Variants in CEP112 observed in about 807,000 individuals in gnomAD.
CEP112 encodes the protein centrosomal protein of 112 kDa.
CEP112 carries 127 observed loss-of-function variants against 153.0 expected under a neutral mutation model. The ratio of observed to expected loss-of-function variants is 0.83; its 90% confidence interval spans 0.72 to 0.96. CEP112 has a LOEUF of 0.96. CEP112 is among the 40% of genes least tolerant of loss of function. The probability of loss-of-function intolerance (pLI) is 0.00; values close to 1 mark genes in which losing one functional copy is unlikely to be tolerated. For synonymous variants in CEP112, 358 were observed against 374.4 expected (o/e 0.96, Z 0.51); for missense variants, 1,089 against 1,101.2 (o/e 0.99, Z 0.16).
intron 20 of CEP112, among the ~76,000 whole-genome samples, chr17:65,852,426 CTT>C (rs1568117422): frequency 2.4e-5 from 1 of 41,260 alleles, no homozygotes; most frequent in African/African-American, 8.1e-5. Context: ...CCCTTCCTTC[CTT>C]CCCTCCCTTT....
At chr17:66,144,933 T>A (rs751538540) in intron 4 of CEP112, among the ~76,000 whole-genome samples, 4 of 152,210 alleles carry the variant, frequency 2.6e-5, no homozygotes, top group Non-Finnish European at 5.9e-5. Context: ...TTAAAATTTA[T>A]AAGAAATAGC....
At chr17:65,667,427 G>A (rs1407274442) in intron 24 of CEP112, among the ~76,000 whole-genome samples, 1 of 151,910 alleles carries the variant, frequency 6.6e-6, no homozygotes. Context: ...ATTCTGAGTT[G>A]GTATCTTTTA....
chr17:65,946,150 G>T (rs1434821806), intron 18 of CEP112, among the ~76,000 whole-genome samples: 1 of 152,028 alleles, frequency 6.6e-6, no homozygotes, highest in Non-Finnish European at 1.5e-5. Context: ...CTTTGTACTG[G>T]TCTCTTTTGA....
chr17:66,143,723 A>G (rs1055633910), intron 4 of CEP112, among the ~76,000 whole-genome samples: 4 of 152,222 alleles, frequency 2.6e-5, no homozygotes, highest in African/African-American at 7.2e-5. Flanking sequence ...CAGGCTGAAA[A>G]AACTATTCAG....
At chr17:65,774,193 T>C (rs2053549209) in intron 21 of CEP112, among the ~76,000 whole-genome samples, 2 of 152,098 alleles carry the variant, frequency 1.3e-5, no homozygotes, top group African/African-American at 4.8e-5. Context: ...ATCTCCCTGC[T>C]TCCCTCACCC....
At chr17:65,870,068 A>AGAAAGAAAGAAAGAAAGAAAGAAAGAAAG (rs1491567332) in intron 20 of CEP112, among the ~76,000 whole-genome samples, 3 of 150,912 alleles carry the variant, frequency 2.0e-5, no homozygotes, top group Non-Finnish European at 4.4e-5. Context: ...AAAGAAAGAA[A>AGAAAGAAAGAAAGAAAGAAAGAAAGAAAG]GAAAGAAAGA....
chr17:65,885,333 T>A (rs2059238903), intron 20 of CEP112, among the ~76,000 whole-genome samples: 1 of 152,208 alleles, frequency 6.6e-6, no homozygotes, highest in Admixed American at 6.5e-5. Flanking sequence ...CTTAACTATT[T>A]GGCTGAAGAT....
chr17:65,795,014 C>T (rs558533285), intron 21 of CEP112, among the ~76,000 whole-genome samples: 6 of 152,276 alleles, frequency 3.9e-5, no homozygotes, highest in African/African-American at 9.6e-5. Flanking sequence ...GTTGAAAGAA[C>T]GAATAAACTA....
At chr17:65,826,073 G>T in intron 21 of CEP112, 1 of 1,519,618 alleles carries the variant, frequency 6.6e-7, no homozygotes, top group Non-Finnish European at 9.1e-7. Context: ...ACTCAGCTCA[G>T]CAATGAGATT....
At chr17:66,033,183 T>C (rs12947656) in intron 12 of CEP112, among the ~76,000 whole-genome samples, 62,471 of 151,904 alleles carry the variant, frequency 0.41, 14,305 homozygotes, top group East Asian at 0.87. Flanking sequence ...AAAATGGAGA[T>C]CCAGCATTTA....
At chr17:65,796,749 T>G (rs916880444) in intron 21 of CEP112, among the ~76,000 whole-genome samples, 1 of 151,328 alleles carries the variant, frequency 6.6e-6, no homozygotes, top group Non-Finnish European at 1.5e-5. Context: ...AATAATATCT[T>G]GGGTTGGGCA....
At chr17:65,658,023 T>C (rs898726162) in intron 24 of CEP112, among the ~76,000 whole-genome samples, 2 of 152,246 alleles carry the variant, frequency 1.3e-5, no homozygotes, top group African/African-American at 4.8e-5. Flanking sequence ...CCCCACATTA[T>C]GAACACCTTA....
At chr17:65,818,982 T>G (rs1370921971) in intron 21 of CEP112, among the ~76,000 whole-genome samples, 1 of 151,978 alleles carries the variant, frequency 6.6e-6, no homozygotes, top group Non-Finnish European at 1.5e-5. Context: ...CTGAAGATGT[T>G]AATTAACCAT....
chr17:65,655,226 T>C lies in CEP112; in HGVS notation c.2698-14161A>G. 4.6e-6 allele frequency: 4 copies of C among 862,968 alleles called. No homozygotes were observed. The South Asian group carries it at 5.2e-5, about 11-fold the overall frequency. The allele number at this position is 862,968 out of a possible 1,614,324, so 53.5% of individuals were successfully genotyped here. A position where few individuals can be genotyped will look rare whatever the true frequency, so the allele number is the denominator to read the frequency against. Reference sequence around the variant, plus strand: ...GGCGCTTGTTGCAACCTAAACACTTTTGAAGTCATCCCGGAGAATACGGTG... The same window carrying C: ...GGCGCTTGTTGCAACCTAAACACTTCTGAAGTCATCCCGGAGAATACGGTG... On this transcript the variant is annotated intron_variant, in intron 24 of 26. Coordinates refer to ENST00000535342, the MANE Select transcript of CEP112 (RefSeq NM_001199165.4).
At chr17:65,813,740 A>G (rs181987320) in intron 21 of CEP112, among the ~76,000 whole-genome samples, 8 of 152,290 alleles carry the variant, frequency 5.3e-5, no homozygotes, top group Admixed American at 4.6e-4. Flanking sequence ...ATCTTCTTCC[A>G]TTAGGCCAAT....
chr17:66,073,989 T>C (rs973151526), intron 8 of CEP112, among the ~76,000 whole-genome samples: 3 of 152,086 alleles, frequency 2.0e-5, no homozygotes, highest in African/African-American at 7.2e-5. Flanking sequence ...ATAAATAAGT[T>C]AATAAGGCCC....
intron 1 of CEP112, among the ~76,000 whole-genome samples, chr17:66,186,698 G>A (rs1017564466): frequency 1.3e-5 from 2 of 152,060 alleles, no homozygotes; most frequent in South Asian, 2.1e-4. Flanking sequence ...GGGTTGCTGG[G>A]AAAAAATGGC....
At chr17:65,966,700 T>A (rs2062427886) in intron 17 of CEP112, among the ~76,000 whole-genome samples, 1 of 152,220 alleles carries the variant, frequency 6.6e-6, no homozygotes, top group South Asian at 2.1e-4. Flanking sequence ...AATAACAACT[T>A]TCATAAGCAT....
chr17:66,022,034 C>G (rs1280528591), intron 16 of CEP112, among the ~76,000 whole-genome samples: 1 of 152,130 alleles, frequency 6.6e-6, no homozygotes, highest in African/African-American at 2.4e-5. Context: ...ATTCCCACGC[C>G]CCTTGCTACC....
Sources: allele counts gnomAD v4.1 joint callset (sites outside exome capture counted in the v4.1 genomes callset), GRCh38; gene constraint gnomAD v4.1.1; transcripts MANE v1.5; gene names NCBI Gene and HGNC (gene_info 2026-07-23, HGNC 2026-07-21).